The following NXPE2 variants were observed in gnomAD, a reference collection of about 807,000 sequenced individuals.
The protein encoded by NXPE2 is NXPE family member 2.
In NXPE2, 34 loss-of-function variants were observed where a neutral mutation model predicts 34.4. The ratio of observed to expected loss-of-function variants is 0.99; its 90% CI spans 0.75 to 1.31. NXPE2 has a LOEUF of 1.31. Ranked by LOEUF, NXPE2 falls within the 40% of genes most tolerant of loss-of-function variation. The pLI, the probability that NXPE2 is intolerant of heterozygous loss-of-function variation, is 0.00. For missense variants in NXPE2, 649 were observed against 672.5 expected, an observed-to-expected ratio of 0.97 and a Z score of 0.39; for synonymous variants, 235 against 231.3, an observed-to-expected ratio of 1.02 and a Z score of -0.15.
chr11:114,787,047 C>A, the NXPE2 span, among the ~76,000 whole-genome samples: 3 of 152,190 alleles, frequency 2.0e-5, no homozygotes, highest in East Asian at 5.8e-4. Flanking sequence ...TGTCCTGCTG[C>A]CGCCCGCAGC....
chr11:114,701,314 T>A (rs1951360708), intron 3 of NXPE2, among the ~76,000 whole-genome samples: 1 of 152,118 alleles, frequency 6.6e-6, no homozygotes, highest in South Asian at 2.1e-4. Flanking sequence ...CTTGAGGTGG[T>A]CCTCATTGAA....
Position 114,704,003 on chromosome 11 carries a change from A to T in NXPE2, c.879A>T (p.Gly293=). 6.4e-7 allele frequency: 1 copy of T among 1,551,426 alleles called. No homozygotes were observed. Among genetic ancestry groups the T allele is most frequent in the Non-Finnish European group, 8.7e-7 (1 of 1,146,280 alleles). The part of the protein sequence containing the change: ...EWRLFHRSNI[G]VEMMKNFTPI... ...CCATTTCTTGCAGGTCCAACATAGG[A>T]GTTGAAATGATGAAGAACTTTACCC... The change falls in exon 4 of 6, where the codon GGA becomes GGT. Residue 293 remains glycine, a synonymous_variant. Coordinates refer to ENST00000389586, the MANE Select transcript of NXPE2 (RefSeq NM_182495.6).
At chr11:114,599,844 C>T in the NXPE2 span, among the ~76,000 whole-genome samples, 5 of 152,056 alleles carry the variant, frequency 3.3e-5, no homozygotes, top group African/African-American at 1.2e-4. Flanking sequence ...GCCCCAGCTC[C>T]AACACTGGGG....
the NXPE2 span, among the ~76,000 whole-genome samples, chr11:114,625,045 T>A: frequency 1.3e-4 from 20 of 152,074 alleles, no homozygotes; most frequent in African/African-American, 4.8e-4. Flanking sequence ...GTAAACACTG[T>A]TACCCTGTGG....
the NXPE2 span, chr11:114,530,640 TC>T: frequency 2.5e-6 from 4 of 1,614,006 alleles, no homozygotes; most frequent in Admixed American, 1.7e-5. Context: ...GTCCCTCACC[TC>T]CAGTAGGATG....
chr11:114,682,762 G>A (rs1950970383), intron 2 of NXPE2, among the ~76,000 whole-genome samples: 1 of 151,910 alleles, frequency 6.6e-6, no homozygotes, highest in Non-Finnish European at 1.5e-5. Flanking sequence ...GTAGTGCACA[G>A]AATATTATGT....
the NXPE2 span, among the ~76,000 whole-genome samples, chr11:114,754,335 G>T: frequency 5.3e-5 from 8 of 152,122 alleles, no homozygotes; most frequent in East Asian, 1.2e-3. Flanking sequence ...GCCTCTCCCA[G>T]ACCCTCTCAG....
intron 2 of NXPE2, among the ~76,000 whole-genome samples, chr11:114,695,613 A>G (rs1159730809): frequency 6.6e-6 from 1 of 152,154 alleles, no homozygotes; most frequent in Admixed American, 6.6e-5. Flanking sequence ...GAAATGGTAG[A>G]CTTAAATCAA....
At chr11:114,536,140 C>A in the NXPE2 span, among the ~76,000 whole-genome samples, 2 of 151,222 alleles carry the variant, frequency 1.3e-5, no homozygotes, top group Non-Finnish European at 3.0e-5. Flanking sequence ...ACTCAAAACC[C>A]CTCAACTACA....
the NXPE2 span, among the ~76,000 whole-genome samples, chr11:114,763,570 C>T: frequency 2.6e-5 from 4 of 152,198 alleles, no homozygotes; most frequent in African/African-American, 7.2e-5. Context: ...ACAAAAGTCA[C>T]ATCTGGCTCT....
At chr11:114,651,860 C>G in the NXPE2 span, among the ~76,000 whole-genome samples, 3 of 152,260 alleles carry the variant, frequency 2.0e-5, no homozygotes, top group Non-Finnish European at 4.4e-5. Context: ...CAAGTCCCCA[C>G]CCGACCCAGA....
chr11:114,597,840 T>A, the NXPE2 span, among the ~76,000 whole-genome samples: 49 of 152,204 alleles, frequency 3.2e-4, no homozygotes, highest in African/African-American at 1.1e-3. Flanking sequence ...TAACAATTGT[T>A]TTGGAATATA....
At chr11:114,707,797 G>A (rs1217594852), downstream of NXPE2, among the ~76,000 whole-genome samples, 1 of 152,138 alleles carries the variant, frequency 6.6e-6, no homozygotes, top group African/African-American at 2.4e-5. Context: ...TGCAGCATTT[G>A]TCCTTTTCTG....
the NXPE2 span, among the ~76,000 whole-genome samples, chr11:114,714,586 A>C: frequency 6.6e-6 from 1 of 152,146 alleles, no homozygotes; most frequent in Admixed American, 6.6e-5. Flanking sequence ...TGTATCTCCC[A>C]TGCCACCTCT....
chr11:114,709,879 G>T (rs1273287761), downstream of NXPE2, among the ~76,000 whole-genome samples: 2 of 151,760 alleles, frequency 1.3e-5, no homozygotes, highest in African/African-American at 4.8e-5. Context: ...TCCAGCCTGG[G>T]TGACAGAGCG....
rs559523338 is a variant in NXPE2 at position 114,705,960 on chromosome 11, C to A, written c.1108C>A (p.His370Asn). The change falls in exon 5 of 6, where the codon CAT becomes AAT. Residue 370 changes from histidine to asparagine, a missense_variant. His to Asn is a moderately conservative substitution (Grantham distance 68, BLOSUM62 1). Coordinates refer to ENST00000389586, the MANE Select transcript of NXPE2 (RefSeq NM_182495.6). ...LIYLMGDSTL[H>N]QWIYYLQKAV... Reference sequence around the variant, plus strand: ...TTATCTCATGGGAGATTCAACACTGCATCAGTGGATTTACTACTTACAAAA... The same window carrying A: ...TTATCTCATGGGAGATTCAACACTGAATCAGTGGATTTACTACTTACAAAA... The A allele has an allele frequency of 3.3e-5, 50 of 1,498,886 alleles. No homozygotes were observed. In the African/African-American group the frequency reaches 5.1e-4, roughly 15 times the overall value. 92.8% of individuals were successfully genotyped at this position (1,498,886 alleles called of 1,614,324 possible). A position where few individuals can be genotyped will look rare whatever the true frequency, so the allele number is the denominator to read the frequency against.
chr11:114,628,705 C>A, the NXPE2 span, among the ~76,000 whole-genome samples: 1 of 22 alleles, frequency 0.045, no homozygotes, highest in South Asian at 0.5. Context: ...ACACAAAAAA[C>A]CCCTTCAAAA....
chr11:114,571,819 G>A, the NXPE2 span, among the ~76,000 whole-genome samples: 3 of 152,266 alleles, frequency 2.0e-5, no homozygotes, highest in East Asian at 5.8e-4. Flanking sequence ...GAAGGAACAG[G>A]ATCACCACTG....
the NXPE2 span, among the ~76,000 whole-genome samples, chr11:114,641,955 T>C: frequency 6.6e-6 from 1 of 152,054 alleles, no homozygotes; most frequent in Admixed American, 6.6e-5. Flanking sequence ...ACAGAGGACA[T>C]ATTTTTGTGG....
Sources: allele counts gnomAD v4.1 joint callset (sites outside exome capture counted in the v4.1 genomes callset), GRCh38; gene constraint gnomAD v4.1.1; transcripts MANE v1.5; gene names NCBI Gene and HGNC (gene_info 2026-07-23, HGNC 2026-07-21).